The following CCDC191 variants were observed in gnomAD, a reference collection of about 807,000 sequenced individuals.
The protein encoded by CCDC191 is coiled-coil domain containing 191.
Under a neutral mutation model 114.0 loss-of-function variants are expected in CCDC191, and 99 were observed. That is an observed-to-expected ratio of 0.87 (90% CI 0.74 to 1.03). The LOEUF (loss-of-function observed/expected upper bound fraction) is 1.03, where lower values mean the gene tolerates loss of function less well. CCDC191 is among the 50% of genes least tolerant of loss of function. CCDC191 has a pLI of 0.00. For missense variants in CCDC191, 973 were observed against 1,087.0 expected, an observed-to-expected ratio of 0.90 and a Z score of 1.47; for synonymous variants, 351 against 376.0, an observed-to-expected ratio of 0.93 and a Z score of 0.77.
intron 16 of CCDC191, among the ~76,000 whole-genome samples, chr3:113,975,492 C>T (rs1346437020): frequency 6.6e-6 from 1 of 152,194 alleles, no homozygotes; most frequent in African/African-American, 2.4e-5. Flanking sequence ...TCTATTCATA[C>T]ATTTACCAAA....
chr3:114,031,862 C>A, intron 6 of CCDC191, 83 bp from the exon 7 acceptor site: 1 of 658,384 alleles, frequency 1.5e-6, no homozygotes. Flanking sequence ...GCAGAATAAT[C>A]ACTGAATTCT....
rs143745802 is a variant in CCDC191 at position 114,030,708 on chromosome 3, G to C, written c.972+918C>G. Among the ~76,000 whole-genome samples, 894 of 152,098 alleles carry C rather than the reference G, an allele frequency of 5.9e-3. 12 individuals carry two copies. The highest frequency in any genetic ancestry group is 0.017 in the African/African-American group (713 of 41,462). On this transcript the variant is annotated intron_variant, in intron 7 of 16. Transcript: ENST00000295878. The stretch of plus-strand genomic sequence containing the variant: ...GACTACTTTACTTTTTCCTTCATAT[G>C]TTTGTTATCCGTATGATATTCAAAC...
rs570390796 is a variant in CCDC191 at position 114,056,299 on chromosome 3, G to A, written c.90+78C>T. ...TCAGGATGAAGAGGCAGGAAGCACAGACGGGCCGCGACTGGCTTCCTGACT... is the reference window on the plus strand; with the variant it reads ...TCAGGATGAAGAGGCAGGAAGCACAAACGGGCCGCGACTGGCTTCCTGACT... On this transcript the variant is annotated intron_variant, in intron 1 of 16. Coordinates refer to ENST00000295878, the MANE Select transcript of CCDC191 (RefSeq NM_020817.2). The A allele has an allele frequency of 6.3e-5, 87 of 1,391,168 alleles. No individual in the cohort carries two copies. In the South Asian group the frequency reaches 6.5e-4, roughly 10 times the overall value. The allele number at this position is 1,391,168 out of a possible 1,614,324, so 86.2% of individuals were successfully genotyped here.
intron 4 of CCDC191, among the ~76,000 whole-genome samples, chr3:114,038,171 A>G (rs1214180603): frequency 6.6e-6 from 1 of 152,214 alleles, no homozygotes; most frequent in Admixed American, 6.5e-5. Flanking sequence ...GAGGTAACTC[A>G]TTGTAGTTTT....
intron 7 of CCDC191, among the ~76,000 whole-genome samples, chr3:114,029,170 T>C (rs531697095): frequency 6.6e-6 from 1 of 152,216 alleles, no homozygotes; most frequent in Non-Finnish European, 1.5e-5. Context: ...AAGCATAAAG[T>C]ATCTTGTGGT....
intron 11 of CCDC191, chr3:114,003,588 G>A: frequency 1.0e-6 from 1 of 985,244 alleles, no homozygotes; most frequent in African/African-American, 1.7e-5. Context: ...AAGTAGACTG[G>A]GCTTCTAAAA....
At chr3:113,974,222 A>G (rs569611373) in intron 16 of CCDC191, among the ~76,000 whole-genome samples, 1 of 151,964 alleles carries the variant, frequency 6.6e-6, no homozygotes, top group East Asian at 1.9e-4. Flanking sequence ...TGCTATTTTG[A>G]ATGTTGGTTA....
intron 6 of CCDC191, among the ~76,000 whole-genome samples, chr3:114,032,383 T>G (rs574070274): frequency 6.6e-6 from 1 of 152,202 alleles, no homozygotes; most frequent in Non-Finnish European, 1.5e-5. Context: ...TTTGCCCACC[T>G]ATCTATTCTT....
chr3:114,035,462 T>C (rs971702676), intron 5 of CCDC191, among the ~76,000 whole-genome samples: 5 of 152,214 alleles, frequency 3.3e-5, no homozygotes, highest in East Asian at 1.9e-4. Flanking sequence ...ACTTGTAAGA[T>C]TGTCCAAGGT....
intron 9 of CCDC191, among the ~76,000 whole-genome samples, chr3:114,006,587 GATATATATATATATAT>G (rs67264886): frequency 2.1e-4 from 17 of 82,620 alleles, no homozygotes; most frequent in African/African-American, 6.7e-4. Context: ...GGTTACTCCA[GATATATATATATATAT>G]ATATATATAT....
rs1027630400 is a variant in CCDC191, at chr3:113,964,475, G to A, written c.*680C>T. 7 of 152,208 alleles carry A rather than the reference G, an allele frequency of 4.6e-5. No homozygotes were observed. The allele number at this position is 152,208 out of a possible 1,614,324, so 9.4% of individuals were successfully genotyped here. A position where few individuals can be genotyped will look rare whatever the true frequency, so the allele number is the denominator to read the frequency against. On this transcript the variant is annotated 3_prime_UTR_variant, in exon 17 of 17. Transcript: ENST00000295878. ...CTGAGTGTATTATTCAGCAGTTGCA[G>A]GTGGGAGCATGAACAGATAATTTAA...
In CCDC191 at chr3:113,979,028, T is replaced by G; in HGVS notation, c.2308-18A>C. ...TCTGCCACCTGGACAATTTTTTAAA[T>G]GAGAAATATTATTCCTTAAATTTTA... On this transcript the variant is annotated intron_variant, in intron 14 of 16. Coordinates refer to ENST00000295878, the MANE Select transcript of CCDC191 (RefSeq NM_020817.2). 6.2e-7 allele frequency: 1 copy of G among 1,608,258 alleles called. No homozygotes were observed. Among genetic ancestry groups the G allele is most frequent in the Non-Finnish European group, 8.5e-7 (1 of 1,175,606 alleles).
At chr3:113,988,497 G>A (rs1023518729) in intron 13 of CCDC191, among the ~76,000 whole-genome samples, 3 of 151,630 alleles carry the variant, frequency 2.0e-5, no homozygotes, top group Admixed American at 1.3e-4. Context: ...GTGGTGGTGC[G>A]TGCCTGTAAT....
chr3:114,004,160 G>T, intron 11 of CCDC191: 3 of 952,436 alleles, frequency 3.1e-6, no homozygotes, highest in Non-Finnish European at 3.7e-6. Context: ...TAACATATCT[G>T]GTTTGTAGGT....
Position 114,036,660 on chromosome 3 carries a change from T to C in CCDC191, c.542A>G (p.Asp181Gly). ...MEDLGRKENQDKKQQKDPRLT... is the reference protein window; with the variant it reads ...MEDLGRKENQGKKQQKDPRLT... ...ACGAGGATCCTTCTGCTGCTTCTTG[T>C]CTTGGTTTTCCTTCCTTCCAAGATC... The change falls in exon 5 of 17, where the codon GAC becomes GGC. Residue 181 changes from aspartate to glycine, a missense_variant. Physicochemically the swap from Asp to Gly is moderately conservative, Grantham distance 94. Transcript: ENST00000295878. The C allele has an allele frequency of 6.2e-7, 1 of 1,607,082 alleles. No individual in the cohort carries two copies. The highest frequency in any genetic ancestry group is 8.5e-7 in the Non-Finnish European group (1 of 1,176,006).
chr3:114,035,192 G>A lies in CCDC191; in HGVS notation c.595-44C>T, dbSNP rs763300959. 1.7e-5 allele frequency: 24 copies of A among 1,410,958 alleles called. 1 individual carries two copies. The South Asian group carries it at 1.9e-4, about 11-fold the overall frequency. 87.4% of individuals were successfully genotyped at this position (1,410,958 alleles called of 1,614,324 possible). ...AAGATGAAGTGTGGCCTTTCAAGTA[G>A]AAAGGGATATGAAAAGCCTTACAAT... On this transcript the variant is annotated intron_variant, in intron 5 of 16. Coordinates refer to ENST00000295878, the MANE Select transcript of CCDC191 (RefSeq NM_020817.2).
intron 8 of CCDC191, among the ~76,000 whole-genome samples, chr3:114,016,912 A>G (rs2076167447): frequency 1.3e-5 from 2 of 152,088 alleles, no homozygotes; most frequent in South Asian, 2.1e-4. Flanking sequence ...CCTGCCAGCT[A>G]TTCCTTTCTG....
chr3:114,035,142 C>T lies in CCDC191; in HGVS notation c.601G>A (p.Glu201Lys), dbSNP rs374309452. ...TCTTTCTCACGTCTTAAGCGATTTT[C>T]TTTTACCTTAAAGCAAATATAATAA... ...TMEMRHKQVK[E>K]NRLRREKELE... The change falls in exon 6 of 17, where the codon GAA becomes AAA. Residue 201 changes from glutamate (E) to lysine (K), a missense_variant. Coordinates refer to ENST00000295878, the MANE Select transcript of CCDC191 (RefSeq NM_020817.2). 5.6e-6 allele frequency: 9 copies of T among 1,611,138 alleles called. No homozygotes were observed. In the African/African-American group the frequency reaches 8.0e-5, roughly 14 times the overall value.
chr3:113,980,258 G>A (rs1179516372), intron 14 of CCDC191, among the ~76,000 whole-genome samples: 2 of 152,184 alleles, frequency 1.3e-5, no homozygotes, highest in African/African-American at 4.8e-5. Context: ...ACAGACATAT[G>A]AGTGAGAAAT....
Sources: gnomAD v4.1 joint callset for allele counts (sites outside exome capture counted in the v4.1 genomes callset) on GRCh38, gnomAD v4.1.1 for gene constraint, MANE v1.5 for transcripts, NCBI Gene and HGNC (gene_info 2026-07-23, HGNC 2026-07-21) for gene names.